The following MELTF variants were observed in gnomAD, a reference collection of about 807,000 sequenced individuals.
The protein encoded by MELTF is melanotransferrin, also known as antigen p97 (melanoma associated) identified by monoclonal antibodies 133.2 and 96.5.
Under a neutral mutation model 83.7 loss-of-function variants are expected in MELTF, and 67 were observed. The observed-to-expected ratio is 0.80, with a 90% CI of 0.66 to 0.98. MELTF has a LOEUF of 0.98. Among genes scored for constraint, MELTF ranks in the 50% least tolerant of loss-of-function variants. The pLI, the probability that MELTF is intolerant of heterozygous loss-of-function variation, is 0.00. For missense variants in MELTF, 1,002 were observed against 1,035.6 expected, an observed-to-expected ratio of 0.97 and a Z score of 0.44; for synonymous variants, 462 against 447.6, an observed-to-expected ratio of 1.03 and a Z score of -0.41.
In MELTF at chr3:197,009,557, G is replaced by C; in HGVS notation, c.1525+61C>G. The C allele has an allele frequency of 3.3e-6, 5 of 1,515,734 alleles. No individual in the cohort carries two copies. The South Asian group carries it at 6.1e-5, about 19-fold the overall frequency. The allele number at this position is 1,515,734 out of a possible 1,614,324, so 93.9% of individuals were successfully genotyped here. A position where few individuals can be genotyped will look rare whatever the true frequency, so the allele number is the denominator to read the frequency against. ...AAGGTCCTCTCCCCAACAGGCTGCG[G>C]GTCCCTAGCTAACCCCAGAGAAGGC... On this transcript the variant is annotated intron_variant, in intron 11 of 15. Coordinates refer to ENST00000296350, the MANE Select transcript of MELTF (RefSeq NM_005929.6).
chr3:197,027,985 C>A (rs12637442), intron 1 of MELTF, 75 bp from the exon 2 acceptor site: 586,609 of 1,471,612 alleles, frequency 0.4, 124,003 homozygotes, highest in East Asian at 0.58. Context: ...GTGGCTCCAG[C>A]AGTTCTGTGT....
In MELTF at chr3:197,026,742, G is replaced by A. The variant is rs769970672; in HGVS notation, c.222C>T (p.Ala74=). 1 of 1,612,780 alleles carries A rather than the reference G, an allele frequency of 6.2e-7. No individual in the cohort carries two copies. Among genetic ancestry groups the A allele is most frequent in the South Asian group, 1.1e-5 (1 of 91,086 alleles). The part of the protein sequence containing the change: ...VQLIAAQEAD[A]ITLDGGAIYE... The stretch of plus-strand genomic sequence containing the variant: ...AGATGGCTCCTCCATCCAGAGTGAT[G>A]GCGTCAGCCTCCTGGGCCTGCAAGG... The change falls in exon 3 of 16, where the codon GCC becomes GCT. Residue 74 remains alanine, a synonymous_variant. Coordinates refer to ENST00000296350, the MANE Select transcript of MELTF (RefSeq NM_005929.6).
intron 6 of MELTF, chr3:197,019,668 G>A (rs1460142327): frequency 6.2e-7 from 1 of 1,613,728 alleles, no homozygotes; most frequent in Non-Finnish European, 8.5e-7. Flanking sequence ...ACTCGTCCTG[G>A]GGCCTGTGAA....
chr3:197,017,745 CGG>C (rs1719448005), intron 6 of MELTF, among the ~76,000 whole-genome samples: 2 of 151,922 alleles, frequency 1.3e-5, no homozygotes, highest in Non-Finnish European at 2.9e-5. Context: ...GGCGTGGTGG[CGG>C]GCGCCTGTAA....
chr3:197,017,616 G>A (rs1410522731), intron 6 of MELTF, among the ~76,000 whole-genome samples: 6 of 152,218 alleles, frequency 3.9e-5, no homozygotes, highest in Admixed American at 3.3e-4. Flanking sequence ...GGTGGCTCAC[G>A]CCTGTAATCC....
intron 3 of MELTF, 148 bp downstream of exon 3, chr3:197,026,512 A>G: frequency 6.1e-6 from 4 of 655,026 alleles, no homozygotes; most frequent in Non-Finnish European, 1.1e-5. Context: ...GGAATTTGAG[A>G]GAGCCTTAGG....
At chr3:197,018,605 C>G (rs958612287) in intron 6 of MELTF, among the ~76,000 whole-genome samples, 2 of 151,930 alleles carry the variant, frequency 1.3e-5, no homozygotes, top group African/African-American at 4.8e-5. Flanking sequence ...CACCAAGATG[C>G]CTGGCTAATT....
Position 197,022,931 on chromosome 3 carries a change from C to T in MELTF, c.644+26G>A, listed in dbSNP as rs200044401. The T allele has an allele frequency of 1.9e-6, 3 of 1,582,412 alleles. No homozygotes were observed. The highest frequency in any genetic ancestry group is 2.6e-6 in the Non-Finnish European group (3 of 1,165,208). On this transcript the variant is annotated intron_variant, in intron 5 of 15. Transcript: ENST00000296350. This position sits in a 1 kb window ranked among gnomAD's most constrained non-coding sequence, Gnocchi z 5.1. ...GGCCTCAGCTCCTCCCTGCCCTCGGCCCCTCCCTGCCCCCACTCCGCTCAC... is the reference window on the plus strand; with the variant it reads ...GGCCTCAGCTCCTCCCTGCCCTCGGTCCCTCCCTGCCCCCACTCCGCTCAC...
rs1488566998 is a variant in MELTF, at chr3:197,003,599, C to T, written c.2138-148G>A. 8.7e-6 allele frequency: 6 copies of T among 686,820 alleles called. No individual in the cohort carries two copies. The highest frequency in any genetic ancestry group is 7.1e-5 in the Admixed American group (2 of 28,078). 42.5% of individuals were successfully genotyped at this position (686,820 alleles called of 1,614,324 possible). On this transcript the variant is annotated intron_variant, in intron 15 of 15. Coordinates refer to ENST00000296350, the MANE Select transcript of MELTF (RefSeq NM_005929.6). The surrounding 1 kb of genome is among the most constrained non-coding windows in gnomAD (Gnocchi z 6.2). ...GTGCTCCTTTCCCCTGCTGCCCTTC[C>T]AGATGCGCTCTTTCCAGAAAGGCAG... is the stretch of plus-strand genomic sequence containing the variant.
At position 197,006,531 on chromosome 3, in the gene MELTF, A is replaced by G; in HGVS notation, c.1938+18T>C. 1 of 1,607,190 alleles carries G rather than the reference A, an allele frequency of 6.2e-7. No individual in the cohort carries two copies. The highest frequency in any genetic ancestry group is 8.5e-7 in the Non-Finnish European group (1 of 1,176,760). On this transcript the variant is annotated intron_variant, in intron 14 of 15. Coordinates refer to ENST00000296350, the MANE Select transcript of MELTF (RefSeq NM_005929.6). This position sits in a 1 kb window ranked among gnomAD's most constrained non-coding sequence, Gnocchi z 5.4. ...TCTGCTGCACACCCCTCAATGAGGTAGCCCCACCCTGGCTCACCTGGGCCT... is the reference window on the plus strand; with the variant it reads ...TCTGCTGCACACCCCTCAATGAGGTGGCCCCACCCTGGCTCACCTGGGCCT...
chr3:197,003,750 G>GC lies in MELTF; in HGVS notation c.2137+150dup. 1.1e-6 allele frequency: 1 copy of GC among 871,466 alleles called. No homozygotes were observed. The highest frequency in any genetic ancestry group is 1.7e-6 in the Non-Finnish European group (1 of 581,970). 54.0% of individuals were successfully genotyped at this position (871,466 alleles called of 1,614,324 possible). On this transcript the variant is annotated intron_variant, in intron 15 of 15. Transcript: ENST00000296350. The surrounding 1 kb of genome is among the most constrained non-coding windows in gnomAD (Gnocchi z 6.2). ...CGCCCTCCCGGCCCGCAGCCTCCTGGCCAAAATCCTCCCGGGACACCCCAC... is the reference window on the plus strand; with the variant it reads ...CGCCCTCCCGGCCCGCAGCCTCCTGGCCCAAAATCCTCCCGGGACACCCCAC...
intron 6 of MELTF, 127 bp from the exon 7 acceptor site, chr3:197,017,417 G>A: frequency 5.7e-6 from 5 of 870,236 alleles, no homozygotes; most frequent in South Asian, 1.8e-5. Flanking sequence ...GCATTCAGAA[G>A]GTGGCAGAGC....
chr3:197,003,101 G>A lies in MELTF; in HGVS notation c.*271C>T, dbSNP rs919495181. ...GGGCGGCGGGAAGCCCGGACTCAGC[G>A]GTTTCCTGGGCAACCGGCCTCCTCC... On this transcript the variant is annotated 3_prime_UTR_variant, in exon 16 of 16. Coordinates refer to ENST00000296350, the MANE Select transcript of MELTF (RefSeq NM_005929.6). The surrounding 1 kb of genome is among the most constrained non-coding windows in gnomAD (Gnocchi z 6.2). 1 of 160,046 alleles carries A rather than the reference G, an allele frequency of 6.2e-6. No individual in the cohort carries two copies. Among genetic ancestry groups the A allele is most frequent in the Non-Finnish European group, 1.3e-5 (1 of 76,524 alleles). 9.9% of individuals were successfully genotyped at this position (160,046 alleles called of 1,614,324 possible).
chr3:197,024,243 A>T lies in MELTF; in HGVS notation c.487+60T>A. 2.7e-6 allele frequency: 4 copies of T among 1,496,172 alleles called. No individual in the cohort carries two copies. The highest frequency in any genetic ancestry group is 3.6e-6 in the Non-Finnish European group (4 of 1,114,192). 92.7% of individuals were successfully genotyped at this position (1,496,172 alleles called of 1,614,324 possible). Reference sequence around the variant, plus strand: ...GAGGCTACCCAGTGAAGGGACGAGCATGGGCCAAGGAAAGGAGGGGGAGGC... The same window carrying T: ...GAGGCTACCCAGTGAAGGGACGAGCTTGGGCCAAGGAAAGGAGGGGGAGGC... On this transcript the variant is annotated intron_variant, in intron 4 of 15. Transcript: ENST00000296350. This position sits in a 1 kb window ranked among gnomAD's most constrained non-coding sequence, Gnocchi z 5.3.
intron 1 of MELTF, 26 bp from the exon 2 acceptor site, chr3:197,027,936 G>C (rs374015117): frequency 6.5e-7 from 1 of 1,539,886 alleles, no homozygotes; most frequent in South Asian, 1.2e-5. Flanking sequence ...CGTGAGGCCC[G>C]GCTCCCCCGC....
At position 197,021,420 on chromosome 3, in the gene MELTF, T is replaced by G; in HGVS notation, c.696A>C (p.Val232=). The part of the protein sequence containing the change: ...GDVAFVKHST[V]LENTDGKTLP... ...CCCACTCACCATCCGTGTTCTCCAG[T>G]ACCGTGCTGTGCTTCACAAAAGCCA... The change falls in exon 6 of 16, where the codon GTA becomes GTC. Residue 232 remains valine, a synonymous_variant. Coordinates refer to ENST00000296350, the MANE Select transcript of MELTF (RefSeq NM_005929.6). 6.2e-7 allele frequency: 1 copy of G among 1,614,102 alleles called. No individual in the cohort carries two copies. The highest frequency in any genetic ancestry group is 8.5e-7 in the Non-Finnish European group (1 of 1,180,010).
At position 197,006,943 on chromosome 3, in the gene MELTF, C is replaced by T. The variant is rs535996179; in HGVS notation, c.1751-207G>A. 6.6e-6 allele frequency among the ~76,000 whole-genome samples: 1 copy of T among 152,300 alleles called. No individual in the cohort carries two copies. Among genetic ancestry groups the T allele is most frequent in the South Asian group, 2.1e-4 (1 of 4,822 alleles). On this transcript the variant is annotated intron_variant, in intron 13 of 15. Coordinates refer to ENST00000296350, the MANE Select transcript of MELTF (RefSeq NM_005929.6). The surrounding 1 kb of genome is among the most constrained non-coding windows in gnomAD (Gnocchi z 5.4). ...GTGTTCATGCCATTAGCAGGAGCTGCCATTAATTAGCAGGGAGTAGGGAGT... is the reference window on the plus strand; with the variant it reads ...GTGTTCATGCCATTAGCAGGAGCTGTCATTAATTAGCAGGGAGTAGGGAGT...
At position 197,003,421 on chromosome 3, in the gene MELTF, G is replaced by A. The variant is rs1236634461; in HGVS notation, c.2168C>T (p.Pro723Leu). 5.5e-5 allele frequency: 61 copies of A among 1,112,360 alleles called. No homozygotes were observed. The highest frequency in any genetic ancestry group is 6.6e-5 in the Non-Finnish European group (60 of 912,556). The allele number at this position is 1,112,360 out of a possible 1,614,324, so 68.9% of individuals were successfully genotyped here. Reference protein sequence around the residue: ...AAPAPGAPLLPLLLPALAARL... With the variant: ...AAPAPGAPLLLLLLPALAARL... The stretch of plus-strand genomic sequence containing the variant: ...GGCGGCGAGGGCGGGCAGCAGCAGC[G>A]GGAGCAGGGGCGCCCCGGGCGCCGG... The change falls in exon 16 of 16, where the codon CCG (proline) becomes CTG (leucine). Residue 723 changes from proline (P) to leucine (L), a missense_variant. By Grantham distance (98) the Pro-to-Leu change is moderately conservative. Transcript: ENST00000296350. The surrounding 1 kb of genome is among the most constrained non-coding windows in gnomAD (Gnocchi z 6.2).
chr3:197,014,653 G>T (rs1248420468), intron 9 of MELTF, among the ~76,000 whole-genome samples: 2 of 152,152 alleles, frequency 1.3e-5, no homozygotes, highest in African/African-American at 4.8e-5. Context: ...GCCTCCCAAA[G>T]TGCTGGGATT....
Sources: allele counts gnomAD v4.1 joint callset (sites outside exome capture counted in the v4.1 genomes callset), GRCh38; gene constraint gnomAD v4.1.1; non-coding constraint Gnocchi (gnomAD v3.1); transcripts MANE v1.5; gene names NCBI Gene and HGNC (gene_info 2026-07-23, HGNC 2026-07-21).